ULK4: variants seen among roughly 807,000 people sequenced by gnomAD.
ULK4 encodes the protein unc-51 like kinase 4.
Under a neutral mutation model 160.6 loss-of-function variants are expected in ULK4, and 133 were observed. The observed-to-expected ratio is 0.83, with a 90% CI of 0.72 to 0.96. The LOEUF (loss-of-function observed/expected upper bound fraction) is 0.96, where lower values mean the gene tolerates loss of function less well. ULK4 is among the 40% of genes least tolerant of loss of function. The probability of loss-of-function intolerance (pLI) is 0.00; values close to 1 mark genes in which losing one functional copy is unlikely to be tolerated. For missense variants in ULK4, 1,580 were observed against 1,499.5 expected, an observed-to-expected ratio of 1.05 and a Z score of -0.89; for synonymous variants, 534 against 539.8, an observed-to-expected ratio of 0.99 and a Z score of 0.15.
At chr3:41,748,996 C>G (rs2038520602) in intron 22 of ULK4, among the ~76,000 whole-genome samples, 1 of 152,170 alleles carries the variant, frequency 6.6e-6, no homozygotes, top group Non-Finnish European at 1.5e-5. Context: ...TATTCAAACA[C>G]TAATCTAGAT....
chr3:41,453,873 TG>T (rs896468788), intron 34 of ULK4, among the ~76,000 whole-genome samples: 3 of 151,922 alleles, frequency 2.0e-5, no homozygotes, highest in African/African-American at 7.3e-5. Flanking sequence ...TCATGTCCTT[TG>T]TAGGGACATG....
At chr3:41,694,760 T>C (rs1421386755) in intron 27 of ULK4, among the ~76,000 whole-genome samples, 1 of 152,258 alleles carries the variant, frequency 6.6e-6, no homozygotes, top group East Asian at 1.9e-4. Flanking sequence ...TGTTATACTC[T>C]ATTTTTTAAA....
intron 25 of ULK4, among the ~76,000 whole-genome samples, chr3:41,709,955 G>A (rs2037035492): frequency 6.6e-6 from 1 of 152,128 alleles, no homozygotes; most frequent in South Asian, 2.1e-4. Context: ...ACAAATGCTG[G>A]TGATGTGAAC....
chr3:41,663,777 T>TG, intron 29 of ULK4, 78 bp from the exon 30 acceptor site: 1 of 1,181,984 alleles, frequency 8.5e-7, no homozygotes. Context: ...CCAGCCAAAC[T>TG]ATCAATTTAG....
At chr3:41,405,614 T>C (rs2082277576) in intron 34 of ULK4, among the ~76,000 whole-genome samples, 1 of 152,204 alleles carries the variant, frequency 6.6e-6, no homozygotes, top group Non-Finnish European at 1.5e-5. Context: ...TCCTCTTTTC[T>C]CCACAGTCTC....
At chr3:41,292,071 A>G (rs1405938960) in intron 35 of ULK4, among the ~76,000 whole-genome samples, 2 of 151,508 alleles carry the variant, frequency 1.3e-5, no homozygotes, top group African/African-American at 4.8e-5. Context: ...CTGACCTCAC[A>G]ATCCGCCTGC....
At chr3:41,284,298 G>A (rs1254459758) in intron 35 of ULK4, among the ~76,000 whole-genome samples, 1 of 152,134 alleles carries the variant, frequency 6.6e-6, no homozygotes, top group African/African-American at 2.4e-5. Flanking sequence ...GCAAGATTAA[G>A]CAAAGAGAAC....
At position 41,770,828 on chromosome 3, in the gene ULK4, G is replaced by T. The variant is rs548623348; in HGVS notation, c.2194-16340C>A. On this transcript the variant is annotated intron_variant, in intron 21 of 36. Coordinates refer to ENST00000301831, the MANE Select transcript of ULK4 (RefSeq NM_017886.4). ...ATGCCCAGCCAGAATGATACTTTCT[G>T]AATCATAAGTAAATAGGGTAAAGGA... 1.1e-4 allele frequency among the ~76,000 whole-genome samples: 16 copies of T among 152,152 alleles called. No individual in the cohort carries two copies. In the South Asian group the frequency reaches 3.3e-3, roughly 32 times the overall value.
At chr3:41,376,211 G>A (rs1301462447) in intron 35 of ULK4, among the ~76,000 whole-genome samples, 1 of 150,276 alleles carries the variant, frequency 6.7e-6, no homozygotes, top group African/African-American at 2.5e-5. Flanking sequence ...GGAAGACAGT[G>A]TGGTAATTCC....
intron 32 of ULK4, among the ~76,000 whole-genome samples, chr3:41,476,045 AAAAG>A (rs2084132600): frequency 7.2e-6 from 1 of 138,058 alleles, no homozygotes; most frequent in African/African-American, 2.8e-5. Context: ...AGAGGAGGGA[AAAAG>A]GAAGGAAGGG....
intron 22 of ULK4, among the ~76,000 whole-genome samples, chr3:41,736,000 G>A (rs1234547841): frequency 6.6e-6 from 1 of 151,440 alleles, no homozygotes; most frequent in African/African-American, 2.4e-5. Flanking sequence ...CTTCATCCAT[G>A]TCCCTACAAA....
chr3:41,278,613 C>T (rs369159387), intron 35 of ULK4, among the ~76,000 whole-genome samples: 7 of 152,126 alleles, frequency 4.6e-5, no homozygotes, highest in East Asian at 3.9e-4. Context: ...GATCAGGTAG[C>T]AATATTTGCT....
At position 41,681,632 on chromosome 3, in the gene ULK4, A is replaced by C; in HGVS notation, c.2854T>G (p.Leu952Val). Residue 952 changes from leucine to valine, a missense_variant, in exon 29 of 37, where the codon TTG (leucine) becomes GTG (valine). Transcript: ENST00000301831. Reference protein sequence around the residue: ...SQNVEWRLFSLRLLSETTSLL... With the variant: ...SQNVEWRLFSVRLLSETTSLL... ...GATGTGGTTTCTGAGAGCAACCGCA[A>C]GCTAAAGAGTCTCCACTCCACTTGA... 1 of 1,613,984 alleles carries C rather than the reference A, an allele frequency of 6.2e-7. No homozygotes were observed. Among genetic ancestry groups the C allele is most frequent in the African/African-American group, 1.3e-5 (1 of 74,980 alleles).
Position 41,819,498 on chromosome 3 carries a change from T to G in ULK4, c.1773A>C (p.Lys591Asn), listed in dbSNP as rs944294747. ...LIYLVATQEE[K>N]KKNPRECWAV... ...CCCAGCACTCTCTAGGGTTCTTTTTTTTTTCTTCCTAAAATGAAGTGGGAA... is the reference window on the plus strand; with the variant it reads ...CCCAGCACTCTCTAGGGTTCTTTTTGTTTTCTTCCTAAAATGAAGTGGGAA... Residue 591 changes from lysine (K) to asparagine (N), a missense_variant, in exon 19 of 37, where the codon AAA (lysine) becomes AAC (asparagine). Transcript: ENST00000301831. The G allele has an allele frequency of 1.2e-6, 2 of 1,600,764 alleles. No individual in the cohort carries two copies. Among genetic ancestry groups the G allele is most frequent in the African/African-American group, 3.0e-5 (2 of 66,994 alleles).
intron 30 of ULK4, among the ~76,000 whole-genome samples, chr3:41,623,789 A>T (rs569399593): frequency 6.6e-6 from 1 of 152,164 alleles, no homozygotes; most frequent in Non-Finnish European, 1.5e-5. Context: ...ATAATGTAGT[A>T]TGTATTTCAA....
chr3:41,462,439 G>A (rs1162338743), intron 33 of ULK4, among the ~76,000 whole-genome samples: 1 of 152,160 alleles, frequency 6.6e-6, no homozygotes, highest in Non-Finnish European at 1.5e-5. Context: ...GTTAGACAGA[G>A]CATTAAATAA....
At chr3:41,644,546 C>G (rs902545090) in intron 30 of ULK4, among the ~76,000 whole-genome samples, 15 of 152,154 alleles carry the variant, frequency 9.9e-5, no homozygotes, top group Non-Finnish European at 1.9e-4. Flanking sequence ...ATGAAGCCCA[C>G]TTGATCATGG....
intron 35 of ULK4, chr3:41,259,932 C>T (rs1436709794): frequency 1.3e-5 from 2 of 152,140 alleles, no homozygotes; most frequent in African/African-American, 4.8e-5. Flanking sequence ...GAGAGCAGCC[C>T]AGGTGCTTCT....
chr3:41,627,585 G>A (rs1416620087), intron 30 of ULK4, among the ~76,000 whole-genome samples: 2 of 152,186 alleles, frequency 1.3e-5, no homozygotes, highest in African/African-American at 4.8e-5. Context: ...CTTAGATACA[G>A]ACTTGATTTT....
Sources: allele counts gnomAD v4.1 joint callset (sites outside exome capture counted in the v4.1 genomes callset), GRCh38; gene constraint gnomAD v4.1.1; transcripts MANE v1.5; gene names NCBI Gene and HGNC (gene_info 2026-07-23, HGNC 2026-07-21).